The following DYNC2LI1 variants were observed in gnomAD, a reference collection of about 807,000 sequenced individuals.
The protein encoded by DYNC2LI1 is dynein cytoplasmic 2 light intermediate chain 1, also known as cytoplasmic dynein 2 light intermediate chain 1.
Under a neutral mutation model 51.9 loss-of-function variants are expected in DYNC2LI1, and 45 were observed. That is an observed-to-expected ratio of 0.87 (90% CI 0.68 to 1.11). The LOEUF is 1.11. Among genes scored for constraint, DYNC2LI1 ranks in the 50% most tolerant of loss-of-function variants. The pLI is 0.00. For missense variants in DYNC2LI1, 490 were observed against 417.4 expected (o/e 1.17, Z -1.51); for synonymous variants, 130 against 137.8 (o/e 0.94, Z 0.40).
At chr2:43,785,031 C>T (rs1409730011) in intron 3 of DYNC2LI1, among the ~76,000 whole-genome samples, 1 of 152,192 alleles carries the variant, frequency 6.6e-6, no homozygotes, top group Non-Finnish European at 1.5e-5. Flanking sequence ...GGTGCAGTGG[C>T]TCATGCCTGT....
intron 1 of DYNC2LI1, among the ~76,000 whole-genome samples, chr2:43,775,099 A>G (rs145077544): frequency 6.6e-6 from 1 of 152,224 alleles, no homozygotes; most frequent in African/African-American, 2.4e-5. Flanking sequence ...CCTAAACTAC[A>G]TATATATTTT....
At chr2:43,792,517 C>T (rs530124473) in intron 5 of DYNC2LI1, among the ~76,000 whole-genome samples, 4 of 152,036 alleles carry the variant, frequency 2.6e-5, no homozygotes, top group Admixed American at 6.6e-5. Context: ...TTTTTATTGT[C>T]GTAAAATATA....
rs3833569 is a variant in DYNC2LI1 at position 43,794,339 on chromosome 2, C to CA, written c.321-118_321-117insA. The CA allele has an allele frequency of 3.6e-6, 4 of 1,110,864 alleles. No individual in the cohort carries two copies. In the African/African-American group the frequency reaches 6.4e-5, roughly 18 times the overall value. The allele number at this position is 1,110,864 out of a possible 1,614,324, so 68.8% of individuals were successfully genotyped here. A position where few individuals can be genotyped will look rare whatever the true frequency, so the allele number is the denominator to read the frequency against. On this transcript the variant is annotated intron_variant, in intron 5 of 12. Transcript: ENST00000260605. ...TTTTGGGAGTCTTAGAATAATGCTACGGTTTTTTTTTCCCCTTAAGGTATA... is the reference window on the plus strand; with the variant it reads ...TTTTGGGAGTCTTAGAATAATGCTACAGGTTTTTTTTTCCCCTTAAGGTATA...
chr2:43,810,384 C>G (rs1666440325), downstream of DYNC2LI1: 10 of 985,352 alleles, frequency 1.0e-5, no homozygotes, highest in Non-Finnish European at 1.2e-5. Flanking sequence ...AGAACAGGCA[C>G]ATCTAAGGAG....
chr2:43,801,521 G>T, intron 9 of DYNC2LI1, 118 bp from the exon 10 acceptor site: 4 of 629,276 alleles, frequency 6.4e-6, no homozygotes, highest in Non-Finnish European at 1.1e-5. Flanking sequence ...TCGGGGCAAT[G>T]CTCTCATTAG....
chr2:43,803,578 G>A (rs1666143150), intron 10 of DYNC2LI1, among the ~76,000 whole-genome samples: 1 of 152,138 alleles, frequency 6.6e-6, no homozygotes, highest in Non-Finnish European at 1.5e-5. Context: ...TCTATAAAAC[G>A]GCAACACAGG....
intron 7 of DYNC2LI1, 122 bp from the exon 8 acceptor site, chr2:43,796,596 A>T (rs1287054400): frequency 1.4e-6 from 1 of 691,580 alleles, no homozygotes; most frequent in Admixed American, 2.6e-5. Context: ...AGGTAATGGA[A>T]TCCTATTCCT....
At chr2:43,824,227 A>G in the DYNC2LI1 span, 6 of 1,614,210 alleles carry the variant, frequency 3.7e-6, no homozygotes, top group South Asian at 4.4e-5. Context: ...ACCTCAGGAG[A>G]ACACCCAGTT....
downstream of DYNC2LI1, among the ~76,000 whole-genome samples, chr2:43,815,006 A>T (rs542857314): frequency 1.5e-4 from 23 of 152,322 alleles, no homozygotes; most frequent in Admixed American, 3.3e-4. Flanking sequence ...CAAGTAGACG[A>T]TTACTGTCTA....
At chr2:43,810,836 C>G (rs1212711785), downstream of DYNC2LI1, among the ~76,000 whole-genome samples, 1 of 152,144 alleles carries the variant, frequency 6.6e-6, no homozygotes, top group Non-Finnish European at 1.5e-5. Context: ...ACATTATGAT[C>G]TCAGAAACAT....
chr2:43,827,342 A>AT, the DYNC2LI1 span, among the ~76,000 whole-genome samples: 4 of 150,968 alleles, frequency 2.6e-5, no homozygotes, highest in African/African-American at 9.8e-5. Context: ...AAAAAAAAAA[A>AT]GTGACAAGAG....
intron 5 of DYNC2LI1, among the ~76,000 whole-genome samples, chr2:43,791,867 T>G (rs1304936695): frequency 6.6e-6 from 1 of 152,174 alleles, no homozygotes; most frequent in Non-Finnish European, 1.5e-5. Flanking sequence ...TAGGAGTTTA[T>G]GTAAAAAAAT....
chr2:43,824,766 G>A, the DYNC2LI1 span: 2 of 1,491,870 alleles, frequency 1.3e-6, no homozygotes, highest in South Asian at 2.5e-5. Flanking sequence ...ATTCCTTGAA[G>A]AGTATAAAAC....
At chr2:43,828,018 C>T in the DYNC2LI1 span, 16 of 1,614,078 alleles carry the variant, frequency 9.9e-6, no homozygotes, top group Admixed American at 5.0e-5. Flanking sequence ...GATGGAGACC[C>T]GGCGCCGCTC....
At position 43,774,050 on chromosome 2, in the gene DYNC2LI1, C is replaced by G. The variant is rs1206574429; in HGVS notation, c.-89C>G. 4 of 1,583,306 alleles carry G rather than the reference C, an allele frequency of 2.5e-6. No homozygotes were observed. The highest frequency in any genetic ancestry group is 1.1e-5 in the South Asian group (1 of 87,420). ...TCCCATGGCAACCCAGAAGGCCTCA[C>G]TCCCAGACTCCTTGCGGAGCTCGCC... On this transcript the variant is annotated 5_prime_UTR_variant, in exon 1 of 13. Coordinates refer to ENST00000260605, the MANE Select transcript of DYNC2LI1 (RefSeq NM_016008.4).
Position 43,774,428 on chromosome 2 carries a change from C to G in DYNC2LI1, c.8+282C>G, listed in dbSNP as rs1265760488. Among the ~76,000 whole-genome samples, 3 of 152,194 alleles carry G rather than the reference C, an allele frequency of 2.0e-5. No homozygotes were observed. In the East Asian group the frequency reaches 5.8e-4, roughly 29 times the overall value. On this transcript the variant is annotated intron_variant, in intron 1 of 12. Coordinates refer to ENST00000260605, the MANE Select transcript of DYNC2LI1 (RefSeq NM_016008.4). The stretch of plus-strand genomic sequence containing the variant: ...TTTCTTGCAGGCCAGAGACTACTTC[C>G]GGAGCAGGACATTCGGCGATGAGCT...
downstream of DYNC2LI1, chr2:43,813,358 T>C (rs183575221): frequency 1.6e-4 from 213 of 1,357,254 alleles, no homozygotes; most frequent in African/African-American, 9.2e-4. Flanking sequence ...TCTCAGGTAA[T>C]TTAATCAACA....
At chr2:43,826,343 C>T in the DYNC2LI1 span, 1 of 1,613,168 alleles carries the variant, frequency 6.2e-7, no homozygotes, top group Non-Finnish European at 8.5e-7. Context: ...CCCAGCTCAA[C>T]ACACCATAGA....
intron 2 of DYNC2LI1, among the ~76,000 whole-genome samples, chr2:43,782,411 A>C (rs1294509785): frequency 6.6e-6 from 1 of 152,078 alleles, no homozygotes; most frequent in African/African-American, 2.4e-5. Context: ...AAACAAAAAC[A>C]CATATAATAA....
Sources: allele counts gnomAD v4.1 joint callset (sites outside exome capture counted in the v4.1 genomes callset), GRCh38; gene constraint gnomAD v4.1.1; transcripts MANE v1.5; gene names NCBI Gene and HGNC (gene_info 2026-07-23, HGNC 2026-07-21).